SLC2A9: variants seen among roughly 807,000 people sequenced by gnomAD.
SLC2A9 encodes the protein solute carrier family 2 member 9.
Under a neutral mutation model 50.6 loss-of-function variants are expected in SLC2A9, and 39 were observed. The observed-to-expected ratio is 0.77, with a 90% CI of 0.60 to 1.01. The LOEUF is 1.01. Ranked by LOEUF, SLC2A9 falls within the 50% of genes least tolerant of loss-of-function variation. The probability of loss-of-function intolerance (pLI) is 0.00; values close to 1 mark genes in which losing one functional copy is unlikely to be tolerated. For synonymous variants in SLC2A9, 324 were observed against 276.9 expected (o/e 1.17, Z -1.69); for missense variants, 686 against 677.6 (o/e 1.01, Z -0.14).
At chr4:10,030,194 T>G (rs944850931) in intron 1 of SLC2A9, among the ~76,000 whole-genome samples, 2 of 152,178 alleles carry the variant, frequency 1.3e-5, no homozygotes, top group Non-Finnish European at 2.9e-5. Context: ...ATTTCAAAAT[T>G]GCTGCAAGAC....
chr4:9,871,285 T>C (rs1733391490), intron 10 of SLC2A9, among the ~76,000 whole-genome samples: 1 of 152,160 alleles, frequency 6.6e-6, no homozygotes, highest in South Asian at 2.1e-4. Context: ...GCCAACTTAG[T>C]GGCTATATTC....
chr4:9,959,161 T>C (rs556640913), intron 5 of SLC2A9, among the ~76,000 whole-genome samples: 2 of 150,438 alleles, frequency 1.3e-5, no homozygotes, highest in Non-Finnish European at 3.0e-5. Flanking sequence ...GCCTGGCCAA[T>C]GTGGTTCGAG....
intron 3 of SLC2A9, among the ~76,000 whole-genome samples, chr4:9,804,422 C>A (rs993221657): frequency 6.6e-6 from 1 of 151,412 alleles, no homozygotes; most frequent in Non-Finnish European, 1.5e-5. Flanking sequence ...ACTTCCTTCA[C>A]CCATGGGCTG....
chr4:10,010,682 C>G (rs1006541338), intron 2 of SLC2A9, among the ~76,000 whole-genome samples: 1 of 152,136 alleles, frequency 6.6e-6, no homozygotes, highest in Non-Finnish European at 1.5e-5. Flanking sequence ...TTTTGCCAAG[C>G]CTCCAAGCAT....
At chr4:10,000,547 T>A (rs1759599342) in intron 2 of SLC2A9, among the ~76,000 whole-genome samples, 1 of 152,158 alleles carries the variant, frequency 6.6e-6, no homozygotes, top group Non-Finnish European at 1.5e-5. Flanking sequence ...TTTCCATAAT[T>A]TTGACCTCAT....
intron 5 of SLC2A9, among the ~76,000 whole-genome samples, chr4:9,972,289 A>G (rs1205886225): frequency 6.6e-6 from 1 of 152,036 alleles, no homozygotes; most frequent in African/African-American, 2.4e-5. Context: ...ATCATTCCTA[A>G]TCTCTCTTCT....
chr4:9,857,171 G>A (rs1193733950), intron 10 of SLC2A9, among the ~76,000 whole-genome samples: 1 of 152,146 alleles, frequency 6.6e-6, no homozygotes, highest in African/African-American at 2.4e-5. Context: ...CCTGAAATAG[G>A]GTAAAAGGAT....
intron 6 of SLC2A9, among the ~76,000 whole-genome samples, chr4:9,938,931 T>C (rs889891096): frequency 6.6e-6 from 1 of 152,102 alleles, no homozygotes; most frequent in African/African-American, 2.4e-5. Flanking sequence ...GGAGTGGGGA[T>C]AGGAACATCC....
chr4:9,801,490 C>A (rs1396322407), intron 3 of SLC2A9, among the ~76,000 whole-genome samples: 1 of 152,210 alleles, frequency 6.6e-6, no homozygotes, highest in Non-Finnish European at 1.5e-5. Flanking sequence ...CCCTAGTGAG[C>A]TGTGGAGAAT....
intron 6 of SLC2A9, among the ~76,000 whole-genome samples, chr4:9,929,420 G>A (rs766215941): frequency 1.3e-5 from 2 of 152,252 alleles, no homozygotes; most frequent in East Asian, 3.9e-4. Flanking sequence ...CTGTCCCACA[G>A]GGGAAGATGG....
chr4:10,008,084 G>T (rs558762259), intron 2 of SLC2A9, among the ~76,000 whole-genome samples: 1 of 152,314 alleles, frequency 6.6e-6, no homozygotes, highest in African/African-American at 2.4e-5. Flanking sequence ...CATCTTGCTG[G>T]ATCAGCTATC....
chr4:9,981,687 C>A (rs2109104615), intron 4 of SLC2A9, among the ~76,000 whole-genome samples: 1 of 152,208 alleles, frequency 6.6e-6, no homozygotes, highest in East Asian at 1.9e-4. Flanking sequence ...TCCGTTATGG[C>A]AGATGCTATT....
At chr4:10,023,066 C>T (rs991701827), upstream of SLC2A9, among the ~76,000 whole-genome samples, 10 of 152,162 alleles carry the variant, frequency 6.6e-5, no homozygotes, top group Non-Finnish European at 7.3e-5. Context: ...ATAACATGAC[C>T]TAAAAAGGCG....
intron 5 of SLC2A9, among the ~76,000 whole-genome samples, chr4:9,951,182 T>C (rs1039305976): frequency 2.7e-4 from 41 of 152,242 alleles, no homozygotes; most frequent in African/African-American, 8.9e-4. Context: ...TCATGTCATT[T>C]ACAGCAACGT....
chr4:9,998,613 C>G (rs948932780), intron 2 of SLC2A9, among the ~76,000 whole-genome samples: 1 of 152,134 alleles, frequency 6.6e-6, no homozygotes, highest in Non-Finnish European at 1.5e-5. Context: ...ATGGAAGATG[C>G]CTGTAGCCTA....
chr4:9,836,088 C>CAAAAAAAAAAAAA (rs35303241), intron 10 of SLC2A9, among the ~76,000 whole-genome samples: 9 of 48,198 alleles, frequency 1.9e-4, no homozygotes, highest in East Asian at 8.1e-4. Flanking sequence ...AACTCCCTCT[C>CAAAAAAAAAAAAA]AAAAAAAAAA....
intron 1 of SLC2A9, among the ~76,000 whole-genome samples, chr4:10,026,937 G>A (rs188143763): frequency 4.6e-5 from 7 of 152,080 alleles, no homozygotes; most frequent in Non-Finnish European, 7.4e-5. Context: ...CCAGCTACTC[G>A]GGAGGCTGAG....
At chr4:9,771,432 G>A in intron 1 of SLC2A9, 1 of 398,704 alleles carries the variant, frequency 2.5e-6, no homozygotes, top group Non-Finnish European at 4.4e-6. Flanking sequence ...AAGGAGATCT[G>A]CAGCACTCTG....
intron 5 of SLC2A9, among the ~76,000 whole-genome samples, chr4:9,943,019 T>C (rs761442749): frequency 1.3e-5 from 2 of 152,128 alleles, no homozygotes; most frequent in Non-Finnish European, 2.9e-5. Flanking sequence ...GTGGGGCCCA[T>C]GGGAAGTTAC....
Sources: allele counts gnomAD v4.1 joint callset (sites outside exome capture counted in the v4.1 genomes callset), GRCh38; gene constraint gnomAD v4.1.1; transcripts MANE v1.5; gene names NCBI Gene and HGNC (gene_info 2026-07-23, HGNC 2026-07-21).